Variants in LONP2 observed in about 807,000 individuals in gnomAD.
LONP2 encodes the protein lon peptidase 2, peroxisomal.
A neutral mutation model predicts 85.6 loss-of-function variants in LONP2; 60 were observed. The ratio of observed to expected loss-of-function variants is 0.70; its 90% CI spans 0.57 to 0.87. The LOEUF (loss-of-function observed/expected upper bound fraction) is 0.87, where lower values mean the gene tolerates loss of function less well. Ranked by LOEUF, LONP2 falls within the 40% of genes least tolerant of loss-of-function variation. The pLI, the probability that LONP2 is intolerant of heterozygous loss-of-function variation, is 0.00. For synonymous variants in LONP2, 395 were observed against 389.7 expected (o/e 1.01, Z -0.16); for missense variants, 860 against 1,063.5 (o/e 0.81, Z 2.66).
At chr16:48,254,132 C>A (rs908676515) in intron 2 of LONP2, among the ~76,000 whole-genome samples, 1 of 152,142 alleles carries the variant, frequency 6.6e-6, no homozygotes, top group Non-Finnish European at 1.5e-5. Flanking sequence ...GCATCCCATT[C>A]CCTTGAGTAA....
intron 9 of LONP2, among the ~76,000 whole-genome samples, chr16:48,299,392 C>G (rs1394062464): frequency 1.3e-5 from 2 of 151,756 alleles, no homozygotes; most frequent in Non-Finnish European, 2.9e-5. Context: ...TGAGACCAGC[C>G]TGGCCAACTT....
At chr16:48,361,519 T>C, downstream of LONP2, 1 of 1,555,424 alleles carries the variant, frequency 6.4e-7, no homozygotes, top group Non-Finnish European at 8.8e-7. Flanking sequence ...GACAGATGGG[T>C]GCCTTATTTT....
chr16:48,248,215 A>G (rs1000005538), intron 1 of LONP2, among the ~76,000 whole-genome samples: 7 of 151,404 alleles, frequency 4.6e-5, no homozygotes, highest in Non-Finnish European at 1.0e-4. Flanking sequence ...TTTGCCTCCC[A>G]GGTTCAAGTG....
At position 48,258,753 on chromosome 16, in the gene LONP2, T is replaced by C; in HGVS notation, c.723+13T>C. ...TGATGATAAGAGGGTAAATATTTAT[T>C]TTAACCCATTTCAGTTTTGAAAAAA... On this transcript the variant is annotated intron_variant, in intron 4 of 14. Transcript: ENST00000285737. 6.3e-7 allele frequency: 1 copy of C among 1,584,114 alleles called. No homozygotes were observed. Among genetic ancestry groups the C allele is most frequent in the Non-Finnish European group, 8.5e-7 (1 of 1,170,918 alleles).
intron 7 of LONP2, among the ~76,000 whole-genome samples, chr16:48,276,215 C>T (rs536658350): frequency 6.6e-6 from 1 of 152,304 alleles, no homozygotes; most frequent in African/African-American, 2.4e-5. Flanking sequence ...CTTCCCTGTG[C>T]CTTAGTCACC....
At chr16:48,322,770 A>C (rs992860889) in intron 11 of LONP2, among the ~76,000 whole-genome samples, 1 of 152,170 alleles carries the variant, frequency 6.6e-6, no homozygotes, top group Admixed American at 6.5e-5. Context: ...ACATAAACCA[A>C]TAACATAGTC....
chr16:48,289,775 T>C (rs1387092739), intron 8 of LONP2, among the ~76,000 whole-genome samples: 1 of 152,204 alleles, frequency 6.6e-6, no homozygotes, highest in Non-Finnish European at 1.5e-5. Flanking sequence ...CAAATACTAA[T>C]ATTTTCTACT....
chr16:48,295,887 T>A (rs1218068567), intron 8 of LONP2, 128 bp from the exon 9 acceptor site: 6 of 796,328 alleles, frequency 7.5e-6, no homozygotes, highest in Non-Finnish European at 1.2e-5. Context: ...GATGTTAGTT[T>A]TGTCTGTTTC....
At chr16:48,251,714 A>C (rs1182404841) in intron 1 of LONP2, among the ~76,000 whole-genome samples, 1 of 152,228 alleles carries the variant, frequency 6.6e-6, no homozygotes, top group Non-Finnish European at 1.5e-5. Context: ...TGGTGTTGGA[A>C]CGGAGATTTC....
intron 11 of LONP2, 74 bp downstream of exon 11, chr16:48,303,379 G>A (rs1403245486): frequency 1.9e-6 from 3 of 1,578,394 alleles, no homozygotes; most frequent in Admixed American, 3.4e-5. Context: ...GGGTATGGAG[G>A]GGAAGGTGTT....
chr16:48,311,172 C>T (rs902410148), intron 11 of LONP2, among the ~76,000 whole-genome samples: 7 of 152,098 alleles, frequency 4.6e-5, no homozygotes, highest in African/African-American at 1.4e-4. Flanking sequence ...GTTTGTTGAG[C>T]GTCTTGTATC....
At chr16:48,259,102 T>A (rs974878313) in intron 4 of LONP2, among the ~76,000 whole-genome samples, 27 of 152,232 alleles carry the variant, frequency 1.8e-4, no homozygotes, top group African/African-American at 6.3e-4. Context: ...AAAAGGACTA[T>A]ATGTTGTGTC....
At chr16:48,341,530 C>G (rs1959808055) in intron 12 of LONP2, among the ~76,000 whole-genome samples, 1 of 152,168 alleles carries the variant, frequency 6.6e-6, no homozygotes, top group East Asian at 1.9e-4. Context: ...GGGGCTAAAC[C>G]ATTCATGAGA....
chr16:48,262,679 A>G (rs933093154), intron 5 of LONP2, 99 bp from the exon 6 acceptor site: 5 of 681,914 alleles, frequency 7.3e-6, no homozygotes, highest in Admixed American at 3.0e-5. Context: ...TTAAACATGC[A>G]TGATATATCT....
intron 7 of LONP2, among the ~76,000 whole-genome samples, chr16:48,273,679 C>T (rs1478743799): frequency 6.6e-6 from 1 of 152,088 alleles, no homozygotes; most frequent in Non-Finnish European, 1.5e-5. Context: ...TAAGTCAATT[C>T]ACACAAATAT....
intron 10 of LONP2, among the ~76,000 whole-genome samples, chr16:48,302,528 C>T (rs1047757933): frequency 7.2e-5 from 11 of 152,214 alleles, no homozygotes; most frequent in African/African-American, 2.4e-4. Flanking sequence ...AATGACTTAA[C>T]GGAGTTTGAT....
In LONP2 at chr16:48,326,122, C is replaced by G. The variant is rs147196561; in HGVS notation, c.1796-8094C>G. On this transcript the variant is annotated intron_variant, in intron 11 of 14. Transcript: ENST00000285737. ...ATTTAATGTTCTGTTTATTGTGGTT[C>G]TAGCCTGTGCTTCTTGAATTCCTGA... Among the ~76,000 whole-genome samples, 461 of 152,292 alleles carry G rather than the reference C, an allele frequency of 3.0e-3. 6 individuals carry two copies. The highest frequency in any genetic ancestry group is 0.015 in the East Asian group (77 of 5,184).
rs1448416404 is a variant in LONP2, at chr16:48,355,508, A to T, written c.*3706A>T. ...ATAAATTCGTACTTTTAAATTACCC[A>T]GTCTCAGGTATTCTGTTACGGTTAA... On this transcript the variant is annotated 3_prime_UTR_variant, in exon 15 of 15. Transcript: ENST00000285737. 4 of 152,328 alleles carry T rather than the reference A, an allele frequency of 2.6e-5. No homozygotes were observed. Among genetic ancestry groups the T allele is most frequent in the African/African-American group, 9.6e-5 (4 of 41,578 alleles). The allele number at this position is 152,328 out of a possible 1,614,324, so 9.4% of individuals were successfully genotyped here.
At chr16:48,282,210 A>C (rs964940568) in intron 8 of LONP2, among the ~76,000 whole-genome samples, 4 of 151,990 alleles carry the variant, frequency 2.6e-5, no homozygotes, top group Non-Finnish European at 5.9e-5. Context: ...GGAGTTCAAG[A>C]CCAGCCTGGC....
Sources: gnomAD v4.1 joint callset for allele counts (sites outside exome capture counted in the v4.1 genomes callset) on GRCh38, gnomAD v4.1.1 for gene constraint, MANE v1.5 for transcripts, NCBI Gene and HGNC (gene_info 2026-07-23, HGNC 2026-07-21) for gene names.